MFHAS1: variants seen among roughly 807,000 people sequenced by gnomAD.
MFHAS1 encodes the protein malignant fibrous histiocytoma-amplified sequence 1.
Under a neutral mutation model 70.4 loss-of-function variants are expected in MFHAS1, and 50 were observed. The ratio of observed to expected loss-of-function variants is 0.71; its 90% confidence interval spans 0.57 to 0.90. The LOEUF (loss-of-function observed/expected upper bound fraction) is 0.90. MFHAS1 is among the 40% of genes least tolerant of loss of function. The pLI is 0.00. For synonymous variants in MFHAS1, 952 were observed against 620.0 expected (o/e 1.54, Z -7.96); for missense variants, 1,795 against 1,347.6 (o/e 1.33, Z -5.20).
intron 1 of MFHAS1, among the ~76,000 whole-genome samples, chr8:8,841,797 A>G (rs1327876165): frequency 6.6e-6 from 1 of 152,212 alleles, no homozygotes; most frequent in Non-Finnish European, 1.5e-5. Context: ...TGAACCAAAA[A>G]GACTTGATCT....
At chr8:8,821,177 G>C (rs1806940494) in intron 1 of MFHAS1, among the ~76,000 whole-genome samples, 1 of 152,174 alleles carries the variant, frequency 6.6e-6, no homozygotes, top group African/African-American at 2.4e-5. Context: ...GGTGGAAACG[G>C]AATGAACTGC....
At chr8:8,859,877 C>G (rs1364587561) in intron 1 of MFHAS1, 2 of 152,156 alleles carry the variant, frequency 1.3e-5, no homozygotes, top group Non-Finnish European at 2.9e-5. Context: ...CTGCATTGTT[C>G]AAGGGTCAAC....
chr8:8,844,997 T>A (rs1203811901), intron 1 of MFHAS1, among the ~76,000 whole-genome samples: 1 of 152,232 alleles, frequency 6.6e-6, no homozygotes, highest in African/African-American at 2.4e-5. Flanking sequence ...AGAAAAGAAT[T>A]CATTTTTGTT....
chr8:8,842,122 G>A (rs1011747462), intron 1 of MFHAS1, among the ~76,000 whole-genome samples: 2 of 152,110 alleles, frequency 1.3e-5, no homozygotes, highest in African/African-American at 4.8e-5. Context: ...GGGAAGTCCT[G>A]AAAGAAGCAG....
At chr8:8,872,983 C>T (rs1417884708) in intron 1 of MFHAS1, among the ~76,000 whole-genome samples, 1 of 152,118 alleles carries the variant, frequency 6.6e-6, no homozygotes, top group African/African-American at 2.4e-5. Flanking sequence ...CACTCGTGAG[C>T]CATCTGGGAG....
chr8:8,891,501 A>G lies in MFHAS1; in HGVS notation c.1558T>C (p.Leu520=). 6.2e-7 allele frequency: 1 copy of G among 1,613,078 alleles called. No homozygotes were observed. The part of the protein sequence containing the change: ...RHFPTTVGSF[L]HRVGARVPHA... The stretch of plus-strand genomic sequence containing the variant: ...GGCACTCTCGCCCCGACCCGATGCA[A>G]GAAGGAGCCCACGGTGGTAGGAAAG... Residue 520 remains leucine (L), a synonymous_variant, in exon 1 of 3, where the codon TTG becomes CTG. Coordinates refer to ENST00000276282, the MANE Select transcript of MFHAS1 (RefSeq NM_004225.3). This position sits in a 1 kb window ranked among gnomAD's most constrained non-coding sequence, Gnocchi z 5.4.
chr8:8,829,205 AC>A (rs1807276598), intron 1 of MFHAS1, among the ~76,000 whole-genome samples: 1 of 152,020 alleles, frequency 6.6e-6, no homozygotes, highest in South Asian at 2.1e-4. Context: ...CCCTCCCAGA[AC>A]CCCTTCCCCA....
At chr8:8,853,633 C>G (rs1808326616) in intron 1 of MFHAS1, among the ~76,000 whole-genome samples, 2 of 152,200 alleles carry the variant, frequency 1.3e-5, no homozygotes, top group Admixed American at 1.3e-4. Flanking sequence ...ATGGCGCAAT[C>G]TCAGCTCACT....
At chr8:8,828,622 C>T (rs747080182) in intron 1 of MFHAS1, among the ~76,000 whole-genome samples, 4 of 152,188 alleles carry the variant, frequency 2.6e-5, no homozygotes, top group African/African-American at 4.8e-5. Context: ...AGGAAAAACG[C>T]AAAAGCTAAG....
At position 8,790,351 on chromosome 8, in the gene MFHAS1, C is replaced by A. The variant is rs535705323; in HGVS notation, c.3126-4296G>T. 13 of 984,494 alleles carry A rather than the reference C, an allele frequency of 1.3e-5. No individual in the cohort carries two copies. In the East Asian group the frequency reaches 1.0e-3, roughly 77 times the overall value. 61.0% of individuals were successfully genotyped at this position (984,494 alleles called of 1,614,324 possible). On this transcript the variant is annotated intron_variant, in intron 2 of 2. Transcript: ENST00000276282. ...TTAAAAATTGGTGCTCCTAAAGTCA[C>A]AGTTTGGGTACAGTAAAAATGATGG...
chr8:8,787,206 G>A (rs893817304), intron 2 of MFHAS1, among the ~76,000 whole-genome samples: 10 of 151,570 alleles, frequency 6.6e-5, no homozygotes, highest in East Asian at 1.9e-4. Flanking sequence ...TCAGCCTCCC[G>A]AGTAGCTAGG....
At chr8:8,836,055 A>G (rs1161297112) in intron 1 of MFHAS1, among the ~76,000 whole-genome samples, 2 of 152,248 alleles carry the variant, frequency 1.3e-5, no homozygotes, top group Admixed American at 6.5e-5. Context: ...CTGAACTCCA[A>G]TCTATAATAT....
rs1325879221 is a variant in MFHAS1 at position 8,814,887 on chromosome 8, T to C, written c.2999-17396A>G. Among the ~76,000 whole-genome samples, 3 of 148,370 alleles carry C rather than the reference T, an allele frequency of 2.0e-5. No homozygotes were observed. The Admixed American group carries it at 2.1e-4, about 10-fold the overall frequency. On this transcript the variant is annotated intron_variant, in intron 1 of 2. Coordinates refer to ENST00000276282, the MANE Select transcript of MFHAS1 (RefSeq NM_004225.3). ...TTTTTTCTTATTTTAGGTTCTGGGGTACATGTACAGGATGTGCAGGTTTGT... is the reference window on the plus strand; with the variant it reads ...TTTTTTCTTATTTTAGGTTCTGGGGCACATGTACAGGATGTGCAGGTTTGT...
At chr8:8,877,688 T>G (rs1585067682) in intron 1 of MFHAS1, among the ~76,000 whole-genome samples, 1 of 152,186 alleles carries the variant, frequency 6.6e-6, no homozygotes, top group South Asian at 2.1e-4. Context: ...AACTTGATTA[T>G]GAGTCTGAGC....
chr8:8,814,016 C>T (rs530016730), intron 1 of MFHAS1, among the ~76,000 whole-genome samples: 1 of 151,620 alleles, frequency 6.6e-6, no homozygotes, highest in East Asian at 1.9e-4. Flanking sequence ...TCGGTCACTG[C>T]AACCTTCACC....
intron 1 of MFHAS1, among the ~76,000 whole-genome samples, chr8:8,871,136 C>G (rs879262015): frequency 2.0e-5 from 3 of 152,208 alleles, no homozygotes; most frequent in Admixed American, 1.3e-4. Flanking sequence ...AACCTGGGCT[C>G]TGCTACATGC....
At chr8:8,844,098 G>GT (rs987085991) in intron 1 of MFHAS1, among the ~76,000 whole-genome samples, 1 of 152,170 alleles carries the variant, frequency 6.6e-6, no homozygotes, top group Non-Finnish European at 1.5e-5. Context: ...GAACTCTGAA[G>GT]TCAGCAAGCC....
In MFHAS1 at chr8:8,890,908, C is replaced by G; in HGVS notation, c.2151G>C (p.Glu717Asp). ...CGTGCTCCTTGAGAGCCGGACTGTC[C>G]TCAAAGTAGAGTAGCTTGCCGCTCT... ...LHESGKLLYF[E>D]DSPALKEHVF... Residue 717 changes from glutamate to aspartate, a missense_variant, in exon 1 of 3, where the codon GAG becomes GAC. Glu to Asp is a conservative substitution (Grantham distance 45). Coordinates refer to ENST00000276282, the MANE Select transcript of MFHAS1 (RefSeq NM_004225.3). 1 of 1,614,114 alleles carries G rather than the reference C, an allele frequency of 6.2e-7. No individual in the cohort carries two copies. Among genetic ancestry groups the G allele is most frequent in the Non-Finnish European group, 8.5e-7 (1 of 1,180,032 alleles).
intron 1 of MFHAS1, among the ~76,000 whole-genome samples, chr8:8,836,755 T>C (rs1294337339): frequency 6.6e-6 from 1 of 152,226 alleles, no homozygotes; most frequent in Non-Finnish European, 1.5e-5. Flanking sequence ...GGAGAACAAA[T>C]GAAGTAGAGC....
Sources: gnomAD v4.1 joint callset for allele counts (sites outside exome capture counted in the v4.1 genomes callset) on GRCh38, gnomAD v4.1.1 for gene constraint, Gnocchi (gnomAD v3.1) non-coding constraint, MANE v1.5 for transcripts, NCBI Gene and HGNC (gene_info 2026-07-23, HGNC 2026-07-21) for gene names.